The following ATP13A4 variants were observed in gnomAD, a reference collection of about 807,000 sequenced individuals.
The protein encoded by ATP13A4 is probable cation-transporting ATPase 13A4.
A neutral mutation model predicts 142.5 loss-of-function variants in ATP13A4; 114 were observed. That is an observed-to-expected ratio of 0.80 (90% CI 0.69 to 0.93). ATP13A4 has a LOEUF of 0.93. ATP13A4 is among the 40% of genes least tolerant of loss of function. ATP13A4 has a pLI of 0.00. For missense variants in ATP13A4, 1,392 were observed against 1,454.0 expected (o/e 0.96, Z 0.69); for synonymous variants, 488 against 514.8 (o/e 0.95, Z 0.70).
intron 1 of ATP13A4, among the ~76,000 whole-genome samples, chr3:193,585,761 A>C (rs1385637571): frequency 6.6e-6 from 1 of 152,072 alleles, no homozygotes; most frequent in Non-Finnish European, 1.5e-5. Flanking sequence ...ATTTGGCTCC[A>C]GTTTTCAATT....
intron 1 of ATP13A4, among the ~76,000 whole-genome samples, chr3:193,528,030 C>G (rs1174393510): frequency 6.6e-6 from 1 of 152,216 alleles, no homozygotes; most frequent in East Asian, 1.9e-4. Context: ...GAGATGCCTG[C>G]CTTCACTTCA....
chr3:193,504,018 T>TGA (rs1225273382), intron 2 of ATP13A4, among the ~76,000 whole-genome samples: 3 of 138,784 alleles, frequency 2.2e-5, no homozygotes, highest in Non-Finnish European at 1.5e-5. Flanking sequence ...TGTGTGTGTG[T>TGA]GTGAGAGAGA....
chr3:193,560,849 G>A (rs1001243376), intron 2 of ATP13A4, among the ~76,000 whole-genome samples: 1 of 152,212 alleles, frequency 6.6e-6, no homozygotes, highest in Admixed American at 6.5e-5. Flanking sequence ...AGTTGGCCAA[G>A]GGGGAAAGAG....
intron 1 of ATP13A4, among the ~76,000 whole-genome samples, chr3:193,521,769 T>C (rs374853251): frequency 3.0e-4 from 45 of 151,928 alleles, no homozygotes; most frequent in African/African-American, 1.1e-3. Context: ...CCCATCTCTA[T>C]TAAAAATACA....
chr3:193,466,841 C>A (rs930784420), intron 10 of ATP13A4, among the ~76,000 whole-genome samples: 1 of 152,056 alleles, frequency 6.6e-6, no homozygotes, highest in African/African-American at 2.4e-5. Context: ...TACTAACAGG[C>A]ATATGCCATA....
chr3:193,549,427 T>TAG (rs1560276465), intron 1 of ATP13A4, among the ~76,000 whole-genome samples: 2 of 141,780 alleles, frequency 1.4e-5, no homozygotes, highest in South Asian at 2.2e-4. Flanking sequence ...AATATATATA[T>TAG]ATATATAGAG....
At chr3:193,445,217 C>T (rs1716877752) in intron 18 of ATP13A4, among the ~76,000 whole-genome samples, 1 of 152,124 alleles carries the variant, frequency 6.6e-6, no homozygotes, top group Non-Finnish European at 1.5e-5. Flanking sequence ...GCACACAGAT[C>T]ACGAGGTCAA....
At position 193,421,607 on chromosome 3, in the gene ATP13A4, A is replaced by G. The variant is rs554785799; in HGVS notation, c.2843-6857T>C. The stretch of plus-strand genomic sequence containing the variant: ...TCAAATATAATAGTAACTACAATAC[A>G]TTGTTAAGAAGTACATAAAATAAAA... On this transcript the variant is annotated intron_variant, in intron 25 of 29. Coordinates refer to ENST00000342695, the MANE Select transcript of ATP13A4 (RefSeq NM_032279.4). Among the ~76,000 whole-genome samples the G allele has an allele frequency of 5.3e-5, 8 of 150,122 alleles. No individual in the cohort carries two copies. In the South Asian group the frequency reaches 1.7e-3, roughly 31 times the overall value.
chr3:193,582,720 T>A lies in ATP13A4; in HGVS notation n.92-814A>T, dbSNP rs1324474431. ...TAACATATATAATATATATGTATATTACATATATAAAATATATATGTATAA... is the reference window on the plus strand; with the variant it reads ...TAACATATATAATATATATGTATATAACATATATAAAATATATATGTATAA... On this transcript the variant is annotated intron_variant and non_coding_transcript_variant, in intron 1 of 3. Coordinates refer to the ATP13A4 transcript ENST00000489140. Among the ~76,000 whole-genome samples the A allele has an allele frequency of 5.0e-4, 23 of 45,914 alleles. 4 individuals carry two copies. Among genetic ancestry groups the A allele is most frequent in the Admixed American group, 2.3e-3 (7 of 3,000 alleles). The allele number at this position is 45,914 out of a possible 152,430, so 30.1% of individuals were successfully genotyped here.
rs536918589 is a variant in ATP13A4, at chr3:193,428,708, G to A, written c.2842+5137C>T. Reference sequence around the variant, plus strand: ...TTGCAGGGACAAAAAACCAAGCACCGCGTGTTCTCACTTATAGGTGGGAAT... The same window carrying A: ...TTGCAGGGACAAAAAACCAAGCACCACGTGTTCTCACTTATAGGTGGGAAT... On this transcript the variant is annotated intron_variant, in intron 25 of 29. Coordinates refer to ENST00000342695, the MANE Select transcript of ATP13A4 (RefSeq NM_032279.4). Among the ~76,000 whole-genome samples, 20 of 148,820 alleles carry A rather than the reference G, an allele frequency of 1.3e-4. No homozygotes were observed. In the South Asian group the frequency reaches 1.9e-3, roughly 14 times the overall value.
chr3:193,494,530 T>C (rs754817855), intron 3 of ATP13A4, among the ~76,000 whole-genome samples: 4 of 151,958 alleles, frequency 2.6e-5, no homozygotes, highest in East Asian at 1.9e-4. Context: ...GAACAACCAA[T>C]TGGTCAACAA....
At chr3:193,496,014 A>G (rs1480584972) in intron 3 of ATP13A4, among the ~76,000 whole-genome samples, 1 of 152,210 alleles carries the variant, frequency 6.6e-6, no homozygotes, top group Non-Finnish European at 1.5e-5. Flanking sequence ...AATTTAACCA[A>G]GGTCTTGAAA....
chr3:193,477,597 A>C (rs1363449344), intron 8 of ATP13A4, among the ~76,000 whole-genome samples: 1 of 152,140 alleles, frequency 6.6e-6, no homozygotes, highest in African/African-American at 2.4e-5. Context: ...GACACTGAAC[A>C]TCAAACAACG....
chr3:193,553,621 G>A (rs918851095), intron 1 of ATP13A4: 1 of 152,182 alleles, frequency 6.6e-6, no homozygotes, highest in African/African-American at 2.4e-5. Context: ...CAATTCATTT[G>A]GCAGTCAAAT....
chr3:193,417,721 C>T (rs1200444430), intron 25 of ATP13A4, among the ~76,000 whole-genome samples: 1 of 150,952 alleles, frequency 6.6e-6, no homozygotes, highest in African/African-American at 2.4e-5. Context: ...CGCGGTGGCT[C>T]ATGCCTGTAA....
upstream of ATP13A4, chr3:193,555,011 A>G: frequency 8.1e-7 from 1 of 1,233,874 alleles, no homozygotes; most frequent in East Asian, 2.7e-5. Context: ...TGCTAGGAGG[A>G]ATTGCTGGCT....
chr3:193,423,074 T>A lies in ATP13A4; in HGVS notation c.2843-8324A>T, dbSNP rs937133144. On this transcript the variant is annotated intron_variant, in intron 25 of 29. Transcript: ENST00000342695. Reference sequence around the variant, plus strand: ...AGAAATACAAAGTATCATAAGAGACTATTATGAACAACTGTATGCCAACAA... The same window carrying A: ...AGAAATACAAAGTATCATAAGAGACAATTATGAACAACTGTATGCCAACAA... Among the ~76,000 whole-genome samples, 14 of 149,734 alleles carry A rather than the reference T, an allele frequency of 9.3e-5. 2 individuals are homozygous for A. Among genetic ancestry groups the A allele is most frequent in the African/African-American group, 2.9e-4 (12 of 40,800 alleles).
intron 1 of ATP13A4, among the ~76,000 whole-genome samples, chr3:193,531,296 G>GAGGAAGGA (rs772860170): frequency 0.017 from 1,227 of 73,960 alleles, 21 homozygotes; most frequent in Middle Eastern, 0.032. Context: ...GGGAGGGAGG[G>GAGGAAGGA]AGGAAGGAAG....
chr3:193,566,321 T>C lies in ATP13A4; in HGVS notation n.291+15386A>G, dbSNP rs554507139. Among the ~76,000 whole-genome samples the C allele has an allele frequency of 2.0e-4, 30 of 152,274 alleles. 1 individual carries two copies. In the South Asian group the frequency reaches 6.2e-3, roughly 32 times the overall value. On this transcript the variant is annotated intron_variant and non_coding_transcript_variant, in intron 2 of 3. Transcript: ENST00000489140. ...GCTTTGATCTTTTTAGCCCCTATGA[T>C]AGAACAGATGGTCTCCAGCTTATAC...
Sources: gnomAD v4.1 joint callset for allele counts (sites outside exome capture counted in the v4.1 genomes callset) on GRCh38, gnomAD v4.1.1 for gene constraint, MANE v1.5 for transcripts, NCBI Gene and HGNC (gene_info 2026-07-23, HGNC 2026-07-21) for gene names.